The following KCNJ5 variants were observed in gnomAD, a reference collection of about 807,000 sequenced individuals.
KCNJ5 encodes potassium inwardly rectifying channel subfamily J member 5.
KCNJ5 carries 12 observed loss-of-function variants against 20.2 expected under a neutral mutation model. That is an observed-to-expected ratio of 0.59 (90% confidence interval 0.38 to 0.96). The LOEUF is 0.96. Ranked by LOEUF, KCNJ5 falls within the 40% of genes least tolerant of loss-of-function variation. The probability of loss-of-function intolerance (pLI) is 0.00; values close to 1 mark genes in which losing one functional copy is unlikely to be tolerated. For synonymous variants in KCNJ5, 210 were observed against 213.9 expected (o/e 0.98, Z 0.16); for missense variants, 449 against 557.6 (o/e 0.81, Z 1.96).
intron 1 of KCNJ5, among the ~76,000 whole-genome samples, chr11:128,908,809 A>G (rs1591448308): frequency 6.6e-6 from 1 of 152,082 alleles, no homozygotes; most frequent in African/African-American, 2.4e-5. Context: ...CGGCACCCCC[A>G]TTGGAAGCCT....
Position 128,911,782 on chromosome 11 carries a change from T to C in KCNJ5, c.509T>C (p.Val170Ala). The change falls in exon 2 of 3, where the codon GTC (valine) becomes GCC (alanine). Residue 170 changes from valine (V) to alanine (A), a missense_variant. Physicochemically the swap from Val to Ala is moderately conservative, Grantham distance 64. Transcript: ENST00000529694. The surrounding 1 kb of genome is among the most constrained non-coding windows in gnomAD (Gnocchi z 6.3). Reference sequence around the variant, plus strand: ...CCAGAGGGGATTATACTCCTCTTGGTCCAGGCCATCCTGGGCTCCATCGTC... The same window carrying C: ...CCAGAGGGGATTATACTCCTCTTGGCCCAGGCCATCCTGGGCTCCATCGTC... ...KCPEGIILLL[V>A]QAILGSIVNA... 6.2e-7 allele frequency: 1 copy of C among 1,614,220 alleles called. No individual in the cohort carries two copies. The highest frequency in any genetic ancestry group is 8.5e-7 in the Non-Finnish European group (1 of 1,180,028).
chr11:128,916,372 G>T, intron 2 of KCNJ5, 37 bp from the exon 3 acceptor site: 1 of 1,434,900 alleles, frequency 7.0e-7, no homozygotes, highest in Non-Finnish European at 9.8e-7. Flanking sequence ...ATGGATGGAT[G>T]ATTGCATCAT....
In KCNJ5 at chr11:128,916,807, G is replaced by A; in HGVS notation, c.*76G>A. On this transcript the variant is annotated 3_prime_UTR_variant, in exon 3 of 3. Coordinates refer to ENST00000529694, the MANE Select transcript of KCNJ5 (RefSeq NM_000890.5). ...CACTGCAGAGCCTGGGAGCAGGGGA[G>A]GGGAATAGTTGAGTGTGCTGTTTGG... 2 of 1,176,398 alleles carry A rather than the reference G, an allele frequency of 1.7e-6. No homozygotes were observed. Among genetic ancestry groups the A allele is most frequent in the South Asian group, 1.5e-5 (1 of 66,608 alleles). The allele number at this position is 1,176,398 out of a possible 1,614,324, so 72.9% of individuals were successfully genotyped here. A position where few individuals can be genotyped will look rare whatever the true frequency, so the allele number is the denominator to read the frequency against.
At chr11:128,903,439 T>C in intron 1 of KCNJ5, 1 of 1,614,182 alleles carries the variant, frequency 6.2e-7, no homozygotes, top group South Asian at 1.1e-5. Flanking sequence ...TACTATGGCA[T>C]GCACATCCTG....
intron 1 of KCNJ5, chr11:128,899,918 T>G (rs1591439692): frequency 2.0e-5 from 3 of 152,098 alleles, no homozygotes; most frequent in African/African-American, 2.4e-5. Context: ...AGAAAAATAT[T>G]CATCCTAAGC....
intron 2 of KCNJ5, among the ~76,000 whole-genome samples, chr11:128,914,529 GGT>G (rs1944549147): frequency 2.0e-5 from 3 of 152,158 alleles, no homozygotes; most frequent in African/African-American, 7.2e-5. Context: ...TGGGTGGTTT[GGT>G]TGTCAAGCAC....
intron 1 of KCNJ5, among the ~76,000 whole-genome samples, chr11:128,894,187 T>G (rs1168720799): frequency 6.6e-5 from 10 of 151,962 alleles, no homozygotes; most frequent in South Asian, 2.1e-4. Context: ...TGCATTGTTT[T>G]TTTTTTTTTT....
chr11:128,915,358 G>A (rs1162070146), intron 2 of KCNJ5, among the ~76,000 whole-genome samples: 1 of 152,180 alleles, frequency 6.6e-6, no homozygotes, highest in East Asian at 1.9e-4. Flanking sequence ...GTGTGCGTCT[G>A]CTCCTCTTCC....
rs1944494472 is a variant in KCNJ5, at chr11:128,911,355, C to G, written c.82C>G (p.Gln28Glu). 3.7e-6 allele frequency: 6 copies of G among 1,614,106 alleles called. No homozygotes were observed. Among genetic ancestry groups the G allele is most frequent in the Non-Finnish European group, 4.2e-6 (5 of 1,180,060 alleles). ...CTGGGACCCCAAGAAGATTCCAAAA[C>G]AGGCCCGCGATTATGTCCCCATTGC... is the stretch of plus-strand genomic sequence containing the variant. ...TPWDPKKIPK[Q>E]ARDYVPIATD... Residue 28 changes from glutamine (Q) to glutamate (E), a missense_variant, in exon 2 of 3, where the codon CAG becomes GAG. Physicochemically the swap from Gln to Glu is conservative, Grantham distance 29. Transcript: ENST00000529694. The surrounding 1 kb of genome is among the most constrained non-coding windows in gnomAD (Gnocchi z 6.3).
intron 1 of KCNJ5, among the ~76,000 whole-genome samples, chr11:128,896,646 T>C (rs1944181934): frequency 6.6e-6 from 1 of 152,000 alleles, no homozygotes; most frequent in Admixed American, 6.6e-5. Context: ...TTTTTATTGC[T>C]GAGTAGCGGG....
intron 1 of KCNJ5, chr11:128,902,709 C>T (rs145910677): frequency 1.1e-5 from 17 of 1,604,672 alleles, no homozygotes; most frequent in Non-Finnish European, 1.3e-5. Context: ...ATGTTTGTGG[C>T]AGACCTGTTG....
intron 1 of KCNJ5, chr11:128,904,563 A>G (rs1944362261): frequency 9.2e-7 from 1 of 1,083,764 alleles, no homozygotes; most frequent in Non-Finnish European, 1.4e-6. Flanking sequence ...AGCCGCGTCA[A>G]CATCACTGCG....
chr11:128,906,921 C>T, intron 1 of KCNJ5, among the ~76,000 whole-genome samples: 1 of 152,184 alleles, frequency 6.6e-6, no homozygotes, highest in East Asian at 1.9e-4. Flanking sequence ...ATTCTGCCTA[C>T]TTACAAGTGC....
chr11:128,920,202 C>A lies in KCNJ5; in HGVS notation c.*3471C>A, dbSNP rs1318233237. 1 of 152,244 alleles carries A rather than the reference C, an allele frequency of 6.6e-6. No homozygotes were observed. The highest frequency in any genetic ancestry group is 1.9e-4 in the East Asian group (1 of 5,184). 9.4% of individuals were successfully genotyped at this position (152,244 alleles called of 1,614,324 possible). A position where few individuals can be genotyped will look rare whatever the true frequency, so the allele number is the denominator to read the frequency against. ...CTGCCTGAAGGATCCTGTCCCCAGG[C>A]CAGGGCAGAATGGGCATTGCCTTTG... is the stretch of plus-strand genomic sequence containing the variant. On this transcript the variant is annotated 3_prime_UTR_variant, in exon 3 of 3. Transcript: ENST00000529694.
intron 1 of KCNJ5, among the ~76,000 whole-genome samples, chr11:128,909,286 G>T (rs188229432): frequency 4.6e-5 from 7 of 152,156 alleles, no homozygotes; most frequent in Non-Finnish European, 1.0e-4. Context: ...ACAGCTTCCC[G>T]GTGTTCTGCC....
intron 1 of KCNJ5, among the ~76,000 whole-genome samples, chr11:128,902,870 G>A (rs1231023511): frequency 6.6e-6 from 1 of 152,176 alleles, no homozygotes; most frequent in African/African-American, 2.4e-5. Context: ...ACCGGCAGCT[G>A]ACAGACTGAA....
rs1317719179 is a variant in KCNJ5 at position 128,911,621 on chromosome 11, T to C, written c.348T>C (p.Gly116=). ...FIWWLIAYIR[G]DLDHVGDQEW... is the part of the protein sequence containing the mutation. ...GGTGGCTCATTGCTTATATCCGGGG[T>C]GACCTGGACCATGTTGGCGACCAAG... The change falls in exon 2 of 3, where the codon GGT becomes GGC. Residue 116 remains glycine, a synonymous_variant. Coordinates refer to ENST00000529694, the MANE Select transcript of KCNJ5 (RefSeq NM_000890.5). The surrounding 1 kb of genome is among the most constrained non-coding windows in gnomAD (Gnocchi z 6.3). 9 of 1,614,138 alleles carry C rather than the reference T, an allele frequency of 5.6e-6. No individual in the cohort carries two copies. The highest frequency in any genetic ancestry group is 4.4e-5 in the South Asian group (4 of 91,078).
intron 1 of KCNJ5, chr11:128,904,393 C>A (rs566019056): frequency 1.2e-6 from 2 of 1,611,854 alleles, no homozygotes; most frequent in Non-Finnish European, 1.7e-6. Flanking sequence ...GAACTCCTTG[C>A]GGACAGAGAA....
chr11:128,892,398 G>A (rs906845308), intron 1 of KCNJ5, among the ~76,000 whole-genome samples: 1 of 152,136 alleles, frequency 6.6e-6, no homozygotes, highest in African/African-American at 2.4e-5. Flanking sequence ...GGTTTTATCT[G>A]TGCCTTCCCT....
Sources: gnomAD v4.1 joint callset for allele counts (sites outside exome capture counted in the v4.1 genomes callset) on GRCh38, gnomAD v4.1.1 for gene constraint, Gnocchi (gnomAD v3.1) non-coding constraint, MANE v1.5 for transcripts, NCBI Gene and HGNC (gene_info 2026-07-23, HGNC 2026-07-21) for gene names.